The following THSD7A variants were observed in gnomAD, a reference collection of about 807,000 sequenced individuals.
THSD7A encodes the protein thrombospondin type 1 domain containing 7A.
A neutral mutation model predicts 231.3 loss-of-function variants in THSD7A; 96 were observed. That is an observed-to-expected ratio of 0.41 (90% CI 0.35 to 0.49). THSD7A has a LOEUF of 0.49. Among genes scored for constraint, THSD7A ranks in the 20% least tolerant of loss-of-function variants. The pLI is 0.05. For missense variants in THSD7A, 2,290 were observed against 2,070.2 expected (o/e 1.11, Z -2.06); for synonymous variants, 940 against 743.3 (o/e 1.26, Z -4.30).
chr7:11,412,866 A>G, intron 17 of THSD7A, 66 bp from the exon 18 acceptor site: 4 of 1,541,650 alleles, frequency 2.6e-6, no homozygotes, highest in Non-Finnish European at 3.5e-6. Flanking sequence ...TATATTAGAG[A>G]CAGCACTGGA....
intron 1 of THSD7A, among the ~76,000 whole-genome samples, chr7:11,800,010 A>G (rs1369758752): frequency 6.6e-6 from 1 of 152,162 alleles, no homozygotes; most frequent in Non-Finnish European, 1.5e-5. Context: ...AGATAGGAAA[A>G]CCCTTAAAAG....
intron 11 of THSD7A, among the ~76,000 whole-genome samples, chr7:11,447,908 TTGG>T (rs1188886169): frequency 6.6e-6 from 1 of 152,096 alleles, no homozygotes; most frequent in Non-Finnish European, 1.5e-5. Context: ...AGAAAGCTGG[TTGG>T]TAGGTTGGAG....
In THSD7A at chr7:11,831,914, C is replaced by A. The variant is rs1261778557; in HGVS notation, c.33G>T (p.Gly11=). The change falls in exon 1 of 28, where the codon GGG becomes GGT. Residue 11 remains glycine (G), a synonymous_variant. Transcript: ENST00000423059. The surrounding 1 kb of genome is among the most constrained non-coding windows in gnomAD (Gnocchi z 5.0). The part of the protein sequence containing the change: MGLQARRWAS[G]SRGAAGPRRG... ...GGCGCGGCCCCGCAGCGCCCCGGCT[C>A]CCGGACGCCCAGCGCCTGGCTTGCA... 1.6e-6 allele frequency: 2 copies of A among 1,236,790 alleles called. No homozygotes were observed. Among genetic ancestry groups the A allele is most frequent in the East Asian group, 6.4e-5 (2 of 31,328 alleles). The allele number at this position is 1,236,790 out of a possible 1,614,324, so 76.6% of individuals were successfully genotyped here.
intron 1 of THSD7A, among the ~76,000 whole-genome samples, chr7:11,825,904 T>G (rs1312174540): frequency 6.6e-6 from 1 of 152,204 alleles, no homozygotes; most frequent in Non-Finnish European, 1.5e-5. Context: ...AATTGAAGTT[T>G]AAAACACTTG....
At chr7:11,494,714 G>A (rs1474234016) in intron 6 of THSD7A, among the ~76,000 whole-genome samples, 4 of 151,936 alleles carry the variant, frequency 2.6e-5, no homozygotes, top group African/African-American at 9.7e-5. Context: ...ACAAAGGCAG[G>A]ATTTCTAGTC....
intron 1 of THSD7A, among the ~76,000 whole-genome samples, chr7:11,688,469 C>T (rs1780131483): frequency 6.6e-6 from 1 of 151,720 alleles, no homozygotes; most frequent in East Asian, 2.0e-4. Context: ...AATCATTCAT[C>T]CACACATTCA....
intron 23 of THSD7A, among the ~76,000 whole-genome samples, chr7:11,387,618 T>C (rs1044042135): frequency 1.3e-5 from 2 of 152,228 alleles, no homozygotes; most frequent in African/African-American, 4.8e-5. Flanking sequence ...GCTGATATGA[T>C]GGGGTTTTCT....
At chr7:11,630,465 G>T (rs1781612533) in intron 2 of THSD7A, among the ~76,000 whole-genome samples, 1 of 152,100 alleles carries the variant, frequency 6.6e-6, no homozygotes, top group African/African-American at 2.4e-5. Flanking sequence ...ATTTCTAGAG[G>T]TTATTATAAT....
At chr7:11,484,601 T>G (rs1240923456) in intron 6 of THSD7A, among the ~76,000 whole-genome samples, 2 of 152,196 alleles carry the variant, frequency 1.3e-5, no homozygotes, top group African/African-American at 4.8e-5. Context: ...GTATCTGTCT[T>G]GGTTGCTACT....
In THSD7A at chr7:11,713,038, T is replaced by C. The variant is rs908299764; in HGVS notation, c.191-76077A>G. On this transcript the variant is annotated intron_variant, in intron 1 of 27. Coordinates refer to ENST00000423059, the MANE Select transcript of THSD7A (RefSeq NM_015204.3). The stretch of plus-strand genomic sequence containing the variant: ...TGAATTTTGCATCTTCATGTGACCA[T>C]GCATATGCAAAGAGTGATTGAGTGG... 2.6e-5 allele frequency among the ~76,000 whole-genome samples: 4 copies of C among 151,322 alleles called. No homozygotes were observed. The East Asian group carries it at 7.9e-4, about 30-fold the overall frequency.
intron 1 of THSD7A, among the ~76,000 whole-genome samples, chr7:11,781,834 T>C (rs1324081281): frequency 6.6e-6 from 1 of 152,222 alleles, no homozygotes; most frequent in African/African-American, 2.4e-5. Context: ...AATATTTTAA[T>C]AACTTTAAAA....
rs536720338 is a variant in THSD7A, at chr7:11,659,185, G to A, written c.191-22224C>T. Among the ~76,000 whole-genome samples the A allele has an allele frequency of 6.7e-4, 102 of 151,776 alleles. 2 individuals are homozygous for A. In the South Asian group the frequency reaches 0.011, roughly 16 times the overall value. On this transcript the variant is annotated intron_variant, in intron 1 of 27. Transcript: ENST00000423059. ...GATCCCAGTTACACATTTGGTTACA[G>A]TAGTTTATGAATGTGCTAAAAGGCA... is the stretch of plus-strand genomic sequence containing the variant.
At chr7:11,791,578 G>C (rs1783953153) in intron 1 of THSD7A, among the ~76,000 whole-genome samples, 1 of 151,904 alleles carries the variant, frequency 6.6e-6, no homozygotes. Context: ...GAAAAGTTTT[G>C]TAGAGGAAAT....
chr7:11,572,993 C>G (rs1377498377), intron 4 of THSD7A, among the ~76,000 whole-genome samples: 1 of 152,124 alleles, frequency 6.6e-6, no homozygotes, highest in East Asian at 1.9e-4. Flanking sequence ...TTCTGTCAAA[C>G]AGTTTAATTA....
intron 1 of THSD7A, among the ~76,000 whole-genome samples, chr7:11,755,519 G>C (rs1184838145): frequency 6.6e-6 from 1 of 152,068 alleles, no homozygotes; most frequent in Non-Finnish European, 1.5e-5. Context: ...AAGGCCTTCA[G>C]ACCCTGAGGC....
At chr7:11,744,906 T>G (rs375098580) in intron 1 of THSD7A, among the ~76,000 whole-genome samples, 1 of 152,104 alleles carries the variant, frequency 6.6e-6, no homozygotes, top group Non-Finnish European at 1.5e-5. Flanking sequence ...TAAGCACACA[T>G]GTGCATGTGT....
intron 1 of THSD7A, among the ~76,000 whole-genome samples, chr7:11,716,311 A>C (rs1005983852): frequency 1.3e-5 from 2 of 151,494 alleles, no homozygotes; most frequent in African/African-American, 4.8e-5. Context: ...TGTCTAATTC[A>C]TATCTGGTGA....
At chr7:11,641,185 C>G (rs1030036312) in intron 1 of THSD7A, among the ~76,000 whole-genome samples, 1 of 151,988 alleles carries the variant, frequency 6.6e-6, no homozygotes, top group Non-Finnish European at 1.5e-5. Context: ...GTGTGTATAC[C>G]TTTTACATAT....
intron 11 of THSD7A, among the ~76,000 whole-genome samples, chr7:11,448,055 T>G (rs931024575): frequency 6.6e-6 from 1 of 152,118 alleles, no homozygotes; most frequent in Non-Finnish European, 1.5e-5. Context: ...GTCAAAGTCC[T>G]CCATCTCCTC....
Sources: allele counts gnomAD v4.1 joint callset (sites outside exome capture counted in the v4.1 genomes callset), GRCh38; gene constraint gnomAD v4.1.1; non-coding constraint Gnocchi (gnomAD v3.1); transcripts MANE v1.5; gene names NCBI Gene and HGNC (gene_info 2026-07-23, HGNC 2026-07-21).